Variants in OXR1 observed in about 807,000 individuals in gnomAD.
OXR1 encodes the protein oxidation resistance protein 1.
OXR1 carries 41 observed loss-of-function variants against 104.6 expected under a neutral mutation model. The observed-to-expected ratio is 0.39, with a 90% CI of 0.31 to 0.51. The LOEUF is 0.51. Ranked by LOEUF, OXR1 falls within the 20% of genes least tolerant of loss-of-function variation. The pLI, the probability that OXR1 is intolerant of heterozygous loss-of-function variation, is 0.77. For synonymous variants in OXR1, 348 were observed against 348.4 expected (o/e 1.00, Z 0.01); for missense variants, 955 against 1,031.9 (o/e 0.93, Z 1.02).
intron 3 of OXR1, among the ~76,000 whole-genome samples, chr8:106,608,240 T>A (rs1284635031): frequency 6.6e-6 from 1 of 152,146 alleles, no homozygotes; most frequent in Non-Finnish European, 1.5e-5. Context: ...CAGTGAGCTA[T>A]GATTGCATCA....
At chr8:106,440,192 T>C (rs1819728438) in intron 2 of OXR1, among the ~76,000 whole-genome samples, 2 of 152,098 alleles carry the variant, frequency 1.3e-5, no homozygotes, top group South Asian at 2.1e-4. Flanking sequence ...AATTGTAGTC[T>C]TATAATTTAT....
intron 2 of OXR1, among the ~76,000 whole-genome samples, chr8:106,487,011 A>T (rs1254277973): frequency 6.6e-6 from 1 of 150,700 alleles, no homozygotes; most frequent in African/African-American, 2.5e-5. Context: ...CTTGAATATT[A>T]ATCCAGACAC....
intron 11 of OXR1, among the ~76,000 whole-genome samples, chr8:106,720,903 T>C (rs926106214): frequency 6.6e-6 from 1 of 152,210 alleles, no homozygotes; most frequent in Non-Finnish European, 1.5e-5. Flanking sequence ...TCATTCAGCT[T>C]TATAATTTAT....
intron 2 of OXR1, among the ~76,000 whole-genome samples, chr8:106,368,001 T>C (rs1283396672): frequency 1.3e-5 from 2 of 152,052 alleles, no homozygotes; most frequent in African/African-American, 2.4e-5. Flanking sequence ...GGGAGGCATG[T>C]AGGCCAAGAG....
At chr8:106,503,370 A>C (rs1462389599) in intron 2 of OXR1, among the ~76,000 whole-genome samples, 1 of 152,192 alleles carries the variant, frequency 6.6e-6, no homozygotes, top group East Asian at 1.9e-4. Flanking sequence ...GCATGAGCCC[A>C]CCAAATAAAG....
chr8:106,368,622 C>G (rs1190051307), intron 2 of OXR1, among the ~76,000 whole-genome samples: 5 of 151,108 alleles, frequency 3.3e-5, no homozygotes, highest in Middle Eastern at 3.2e-3. Flanking sequence ...CAATGTTCAA[C>G]TCTTGCTTAT....
chr8:106,352,409 G>A (rs527790858), intron 1 of OXR1, among the ~76,000 whole-genome samples: 1 of 152,148 alleles, frequency 6.6e-6, no homozygotes, highest in Non-Finnish European at 1.5e-5. Flanking sequence ...TCTATGAAAG[G>A]GAGCTTACCA....
intron 1 of OXR1, among the ~76,000 whole-genome samples, chr8:106,300,381 A>G (rs1813179490): frequency 6.6e-6 from 1 of 152,044 alleles, no homozygotes; most frequent in South Asian, 2.1e-4. Context: ...CAGCATCTTT[A>G]TTATGGCTTA....
At chr8:106,429,869 G>T (rs1260717111) in intron 2 of OXR1, among the ~76,000 whole-genome samples, 1 of 151,894 alleles carries the variant, frequency 6.6e-6, no homozygotes, top group African/African-American at 2.4e-5. Flanking sequence ...TCAAATTTAT[G>T]AATATCTTCC....
chr8:106,580,716 C>T (rs1188040553), intron 3 of OXR1, among the ~76,000 whole-genome samples: 1 of 151,982 alleles, frequency 6.6e-6, no homozygotes, highest in Admixed American at 6.6e-5. Flanking sequence ...TCCAATTTCT[C>T]CACATTCTCA....
chr8:106,501,841 A>C (rs1811830645), intron 2 of OXR1, among the ~76,000 whole-genome samples: 1 of 152,220 alleles, frequency 6.6e-6, no homozygotes, highest in Admixed American at 6.5e-5. Flanking sequence ...ATGTATTCTT[A>C]GAATATTATT....
intron 6 of OXR1, among the ~76,000 whole-genome samples, chr8:106,692,329 A>G (rs1033012418): frequency 6.6e-6 from 1 of 151,966 alleles, no homozygotes; most frequent in Admixed American, 6.6e-5. Context: ...CACCTGATGG[A>G]TATTATATTA....
intron 1 of OXR1, among the ~76,000 whole-genome samples, chr8:106,311,630 T>G (rs1232876764): frequency 6.6e-6 from 1 of 152,170 alleles, no homozygotes; most frequent in Non-Finnish European, 1.5e-5. Context: ...GTCATCTGGT[T>G]GCTTAGGGTA....
intron 2 of OXR1, among the ~76,000 whole-genome samples, chr8:106,462,580 A>G (rs183888327): frequency 2.0e-5 from 3 of 152,260 alleles, no homozygotes; most frequent in Admixed American, 2.0e-4. Flanking sequence ...TGGTGAAAAC[A>G]TTTCCTACTT....
At chr8:106,651,888 T>C (rs1824606526) in intron 3 of OXR1, among the ~76,000 whole-genome samples, 1 of 152,142 alleles carries the variant, frequency 6.6e-6, no homozygotes, top group Non-Finnish European at 1.5e-5. Flanking sequence ...CTAGTCCATG[T>C]ATATGGGATG....
chr8:106,733,101 G>A (rs1485138158), intron 11 of OXR1, among the ~76,000 whole-genome samples: 1 of 151,908 alleles, frequency 6.6e-6, no homozygotes, highest in African/African-American at 2.4e-5. Flanking sequence ...TATGTTCCCT[G>A]GGCTGGTCTT....
intron 2 of OXR1, among the ~76,000 whole-genome samples, chr8:106,487,872 G>A (rs377460791): frequency 4.0e-5 from 6 of 151,750 alleles, no homozygotes; most frequent in African/African-American, 1.2e-4. Context: ...GAATAATGCC[G>A]CAATAAACAT....
chr8:106,381,824 T>G (rs1273203160), intron 2 of OXR1, among the ~76,000 whole-genome samples: 1 of 152,206 alleles, frequency 6.6e-6, no homozygotes, highest in African/African-American at 2.4e-5. Flanking sequence ...AATTCAAAAA[T>G]TCTCCTGATA....
At chr8:106,532,192 G>A (rs1814146627) in intron 3 of OXR1, among the ~76,000 whole-genome samples, 1 of 152,210 alleles carries the variant, frequency 6.6e-6, no homozygotes, top group African/African-American at 2.4e-5. Flanking sequence ...CTAAGGCAGT[G>A]TCTTGATGAG....
Sources: gnomAD v4.1 joint callset for allele counts (sites outside exome capture counted in the v4.1 genomes callset) on GRCh38, gnomAD v4.1.1 for gene constraint, MANE v1.5 for transcripts, NCBI Gene and HGNC (gene_info 2026-07-23, HGNC 2026-07-21) for gene names.